The following ERG variants were observed in gnomAD, a reference collection of about 807,000 sequenced individuals.
ERG encodes ETS transcription factor ERG.
A neutral mutation model predicts 55.3 loss-of-function variants in ERG; 9 were observed. That is an observed-to-expected ratio of 0.16 (90% CI 0.10 to 0.28). The LOEUF (loss-of-function observed/expected upper bound fraction) is 0.28, where lower values mean the gene tolerates loss of function less well. Among genes scored for constraint, ERG ranks in the 10% least tolerant of loss-of-function variants. The pLI is 1.00. For missense variants in ERG, 434 were observed against 631.6 expected (o/e 0.69, Z 3.35); for synonymous variants, 223 against 237.3 (o/e 0.94, Z 0.55).
At chr21:38,624,875 A>C (rs567739417) in intron 1 of ERG, among the ~76,000 whole-genome samples, 1 of 152,362 alleles carries the variant, frequency 6.6e-6, no homozygotes, top group African/African-American at 2.4e-5. Flanking sequence ...CTAGACTATA[A>C]GCATTTTAAA....
At chr21:38,526,049 A>T (rs547895506) in intron 2 of ERG, among the ~76,000 whole-genome samples, 26 of 152,308 alleles carry the variant, frequency 1.7e-4, no homozygotes, top group Non-Finnish European at 2.1e-4. Context: ...ATTGTAAAGG[A>T]GGCCTTGAAG....
intron 3 of ERG, among the ~76,000 whole-genome samples, chr21:38,413,330 A>T (rs1989142572): frequency 6.6e-6 from 1 of 152,030 alleles, no homozygotes; most frequent in Admixed American, 6.6e-5. Context: ...TTTTATAGTA[A>T]CCTCTCTATT....
rs767696935 is a variant in ERG at position 38,391,671 on chromosome 21, G to A, written c.859C>T (p.Arg287Cys). ...PSTVPKTEDQ[R>C]PQLDPYQILG... ...CCCTGAAACATACCTAACTGAGGAC[G>A]CTGGTCTTCAGTTTTGGGCACTGTG... The change falls in exon 8 of 10, where the codon CGT becomes TGT. Residue 287 changes from arginine (R) to cysteine (C), a missense_variant. By Grantham distance (180) the Arg-to-Cys change is radical. Transcript: ENST00000288319. The A allele has an allele frequency of 9.9e-6, 16 of 1,613,376 alleles. No homozygotes were observed. In the East Asian group the frequency reaches 2.5e-4, roughly 25 times the overall value.
intron 1 of ERG, among the ~76,000 whole-genome samples, chr21:38,657,969 C>T (rs564143992): frequency 1.2e-4 from 19 of 152,156 alleles, no homozygotes; most frequent in Non-Finnish European, 2.1e-4. Context: ...AAACTGTGCC[C>T]CAAAGATCTG....
At chr21:38,536,176 GAC>G (rs2059708722) in intron 2 of ERG, among the ~76,000 whole-genome samples, 1 of 151,970 alleles carries the variant, frequency 6.6e-6, no homozygotes, top group African/African-American at 2.4e-5. Context: ...TCGATTAATG[GAC>G]TCTCCAGGTA....
intron 9 of ERG, among the ~76,000 whole-genome samples, chr21:38,385,138 C>G (rs1284032766): frequency 6.6e-6 from 1 of 152,154 alleles, no homozygotes; most frequent in African/African-American, 2.4e-5. Flanking sequence ...AAAATCTAGG[C>G]ACATCATTCT....
At chr21:38,537,868 T>C (rs1451535793) in intron 2 of ERG, among the ~76,000 whole-genome samples, 1 of 152,166 alleles carries the variant, frequency 6.6e-6, no homozygotes, top group East Asian at 1.9e-4. Flanking sequence ...AGCAGCATTA[T>C]TTACAATAAC....
chr21:38,403,350 G>C (rs887016323), intron 4 of ERG, among the ~76,000 whole-genome samples, 156 bp downstream of exon 4: 3 of 152,182 alleles, frequency 2.0e-5, no homozygotes, highest in Non-Finnish European at 4.4e-5. Context: ...GCTCCCCTAA[G>C]TCATCACATA....
At chr21:38,523,112 T>C (rs897472098) in intron 2 of ERG, among the ~76,000 whole-genome samples, 1 of 152,178 alleles carries the variant, frequency 6.6e-6, no homozygotes, top group African/African-American at 2.4e-5. Flanking sequence ...TTTTATTAAA[T>C]GCCATTGGAT....
chr21:38,436,276 A>G (rs2836394), intron 2 of ERG, among the ~76,000 whole-genome samples: 133,212 of 152,052 alleles, frequency 0.88, 58,518 homozygotes, highest in East Asian at 0.98. Context: ...TTGTTTTGGA[A>G]ACACCTGGTG....
chr21:38,388,689 C>A (rs1190660799), intron 9 of ERG, among the ~76,000 whole-genome samples: 2 of 152,096 alleles, frequency 1.3e-5, no homozygotes, highest in African/African-American at 4.8e-5. Context: ...CACTTGCCTG[C>A]AAATCAAAGA....
At chr21:38,588,267 A>C (rs769757249), upstream of ERG, among the ~76,000 whole-genome samples, 20 of 152,192 alleles carry the variant, frequency 1.3e-4, no homozygotes, top group Non-Finnish European at 2.5e-4. Flanking sequence ...CTGGTCCAGC[A>C]ACGGCAGAAA....
rs1241028646 is a variant in ERG at position 38,545,422 on chromosome 21, AT to A, written c.-41+30239del. On this transcript the variant is annotated intron_variant, in intron 2 of 8. Transcript: ENST00000398897. The stretch of plus-strand genomic sequence containing the variant: ...TGATAATTGCTCCTTTCCAAATTTA[AT>A]CCCTGCATCTGCGCCCCTGAGACAG... Among the ~76,000 whole-genome samples the A allele has an allele frequency of 3.3e-5, 5 of 152,072 alleles. No individual in the cohort carries two copies. The East Asian group carries it at 9.7e-4, about 29-fold the overall frequency.
chr21:38,639,277 T>C (rs1038448793), intron 1 of ERG, among the ~76,000 whole-genome samples: 46 of 152,020 alleles, frequency 3.0e-4, no homozygotes, highest in Admixed American at 2.6e-4. Context: ...CACCAGACAC[T>C]TGTGAAAAAC....
In ERG at chr21:38,483,095, A is replaced by G. The variant is rs533275891; in HGVS notation, c.18+15268T>C. Among the ~76,000 whole-genome samples the G allele has an allele frequency of 9.2e-5, 14 of 152,378 alleles. 1 individual carries two copies. In the South Asian group the frequency reaches 2.9e-3, roughly 32 times the overall value. Reference sequence around the variant, plus strand: ...ACAAATACTGCATGATCTCACTTATATGTAAAATCTATAACAAACAAACAA... The same window carrying G: ...ACAAATACTGCATGATCTCACTTATGTGTAAAATCTATAACAAACAAACAA... On this transcript the variant is annotated intron_variant, in intron 1 of 9. Coordinates refer to ENST00000288319, the MANE Select transcript of ERG (RefSeq NM_182918.4).
chr21:38,386,659 G>A (rs1987703394), intron 9 of ERG, among the ~76,000 whole-genome samples: 1 of 152,220 alleles, frequency 6.6e-6, no homozygotes, highest in Non-Finnish European at 1.5e-5. Context: ...AAGCCTAAAA[G>A]TGGCTTGGGT....
At chr21:38,550,220 G>C (rs1489854287) in intron 2 of ERG, among the ~76,000 whole-genome samples, 2 of 152,176 alleles carry the variant, frequency 1.3e-5, no homozygotes, top group Non-Finnish European at 2.9e-5. Flanking sequence ...GTAACAGGCT[G>C]GCCCTGAGCT....
rs563002961 is a variant in ERG at position 38,400,473 on chromosome 21, C to A, written c.745+101G>T. On this transcript the variant is annotated intron_variant, in intron 6 of 9. Coordinates refer to ENST00000288319, the MANE Select transcript of ERG (RefSeq NM_182918.4). ...GACTGTCTGGGACTGGCTTCAGCTC[C>A]GGGATCAGCTCTCTTTGTATCACGT... The A allele has an allele frequency of 7.5e-6, 7 of 938,450 alleles. No individual in the cohort carries two copies. In the South Asian group the frequency reaches 9.0e-5, roughly 12 times the overall value. 58.1% of individuals were successfully genotyped at this position (938,450 alleles called of 1,614,324 possible).
intron 1 of ERG, among the ~76,000 whole-genome samples, chr21:38,580,289 TC>T (rs1234281803): frequency 6.6e-6 from 1 of 152,216 alleles, no homozygotes; most frequent in East Asian, 1.9e-4. Flanking sequence ...GAGTGCCTGT[TC>T]TTTTTTACCA....
Sources: gnomAD v4.1 joint callset for allele counts (sites outside exome capture counted in the v4.1 genomes callset) on GRCh38, gnomAD v4.1.1 for gene constraint, MANE v1.5 for transcripts, NCBI Gene and HGNC (gene_info 2026-07-23, HGNC 2026-07-21) for gene names.